The following CSMD1 variants were observed in gnomAD, a reference collection of about 807,000 sequenced individuals.
CSMD1 encodes the protein CUB and sushi domain-containing protein 1.
A neutral mutation model predicts 417.5 loss-of-function variants in CSMD1; 213 were observed. That is an observed-to-expected ratio of 0.51 (90% confidence interval 0.46 to 0.57). CSMD1 has a LOEUF of 0.57. Among genes scored for constraint, CSMD1 ranks in the 20% least tolerant of loss-of-function variants. The pLI, the probability that CSMD1 is intolerant of heterozygous loss-of-function variation, is 0.00. For missense variants in CSMD1, 6,923 were observed against 4,529.7 expected, an observed-to-expected ratio of 1.53 and a Z score of -15.17; for synonymous variants, 2,862 against 1,736.8, an observed-to-expected ratio of 1.65 and a Z score of -16.11.
intron 5 of CSMD1, among the ~76,000 whole-genome samples, chr8:3,793,471 C>A (rs183309424): frequency 1.3e-5 from 2 of 151,410 alleles, no homozygotes; most frequent in East Asian, 3.9e-4. Flanking sequence ...GCCATGCCCC[C>A]CATCCAGCCA....
intron 8 of CSMD1, among the ~76,000 whole-genome samples, chr8:3,589,991 G>A (rs929315413): frequency 6.6e-6 from 1 of 152,046 alleles, no homozygotes; most frequent in Non-Finnish European, 1.5e-5. Context: ...AGACATTAGA[G>A]TGTCCAACAA....
At chr8:4,836,593 T>C (rs1800507923) in intron 1 of CSMD1, among the ~76,000 whole-genome samples, 1 of 152,220 alleles carries the variant, frequency 6.6e-6, no homozygotes, top group African/African-American at 2.4e-5. Context: ...TTGATTAGTA[T>C]GCAGTACAAG....
chr8:4,644,877 A>G (rs1803422821), intron 1 of CSMD1, among the ~76,000 whole-genome samples: 1 of 152,230 alleles, frequency 6.6e-6, no homozygotes. Context: ...GCTAGTTGAC[A>G]TTCAATTGTT....
chr8:3,908,121 T>G (rs1472882587), intron 5 of CSMD1, among the ~76,000 whole-genome samples: 1 of 152,176 alleles, frequency 6.6e-6, no homozygotes, highest in Non-Finnish European at 1.5e-5. Flanking sequence ...GGAGCCCCTC[T>G]GAGAATAACA....
chr8:4,065,409 G>T (rs1799191962), intron 3 of CSMD1, among the ~76,000 whole-genome samples: 1 of 152,142 alleles, frequency 6.6e-6, no homozygotes, highest in African/African-American at 2.4e-5. Context: ...TTTTCATTTT[G>T]TAAAACTTCT....
intron 59 of CSMD1, among the ~76,000 whole-genome samples, chr8:2,965,252 G>C (rs1467596391): frequency 6.6e-6 from 1 of 152,160 alleles, no homozygotes; most frequent in Non-Finnish European, 1.5e-5. Context: ...AGAGGGTCCA[G>C]TCACATAAGT....
At chr8:3,525,702 G>A (rs922019068) in intron 10 of CSMD1, among the ~76,000 whole-genome samples, 2 of 152,104 alleles carry the variant, frequency 1.3e-5, no homozygotes, top group African/African-American at 4.8e-5. Flanking sequence ...AGCTTCCTAT[G>A]AACCACTCAG....
intron 1 of CSMD1, among the ~76,000 whole-genome samples, chr8:4,886,729 G>C (rs1018243221): frequency 4.6e-5 from 7 of 151,818 alleles, no homozygotes; most frequent in Non-Finnish European, 1.0e-4. Context: ...TTGGTACTCG[G>C]TGTCTTCTTT....
intron 21 of CSMD1, among the ~76,000 whole-genome samples, chr8:3,351,239 C>T (rs1384219583): frequency 6.6e-6 from 1 of 152,126 alleles, no homozygotes; most frequent in Admixed American, 6.5e-5. Context: ...TTTCATTACT[C>T]TAGGGTAGTG....
At chr8:4,777,927 A>ATAATAC (rs1405586074) in intron 1 of CSMD1, among the ~76,000 whole-genome samples, 2 of 152,230 alleles carry the variant, frequency 1.3e-5, no homozygotes, top group Non-Finnish European at 2.9e-5. Context: ...GCTACTCCCT[A>ATAATAC]TAATACGGTT....
chr8:3,999,387 G>C (rs965522565), intron 4 of CSMD1, among the ~76,000 whole-genome samples: 1 of 152,134 alleles, frequency 6.6e-6, no homozygotes, highest in Non-Finnish European at 1.5e-5. Flanking sequence ...GAGAGGAAAT[G>C]ACCTCCTTTT....
intron 3 of CSMD1, among the ~76,000 whole-genome samples, chr8:4,284,936 C>T (rs546480255): frequency 6.6e-6 from 1 of 152,172 alleles, no homozygotes; most frequent in Non-Finnish European, 1.5e-5. Flanking sequence ...AGTTAATTAC[C>T]TGTAAGACCT....
At chr8:3,536,467 G>C (rs77839404) in intron 10 of CSMD1, among the ~76,000 whole-genome samples, 2 of 152,204 alleles carry the variant, frequency 1.3e-5, no homozygotes, top group South Asian at 4.1e-4. Flanking sequence ...AGTTGGGCCA[G>C]GTTTCCTCTT....
chr8:4,874,868 T>G (rs1802952535), intron 1 of CSMD1, among the ~76,000 whole-genome samples: 1 of 148,414 alleles, frequency 6.7e-6, no homozygotes, highest in Non-Finnish European at 1.5e-5. Context: ...TATAGTATAG[T>G]GTATATATAG....
chr8:3,123,974 C>T lies in CSMD1; in HGVS notation c.6242-5387G>A, dbSNP rs141422459. Among the ~76,000 whole-genome samples, 769 of 152,288 alleles carry T rather than the reference C, an allele frequency of 5.0e-3. 5 individuals carry two copies. Among genetic ancestry groups the T allele is most frequent in the South Asian group, 0.011 (52 of 4,824 alleles). ...AACTAGTGTTGAAGGCTCTAGCGCC[C>T]TTCTGCTCATGAAAATAACCTCTAT... On this transcript the variant is annotated intron_variant, in intron 41 of 69. Transcript: ENST00000635120.
At chr8:3,192,560 G>T (rs1297806136) in intron 33 of CSMD1, among the ~76,000 whole-genome samples, 1 of 152,168 alleles carries the variant, frequency 6.6e-6, no homozygotes, top group African/African-American at 2.4e-5. Context: ...AATAGGTCAC[G>T]AGCCAGATGG....
intron 5 of CSMD1, among the ~76,000 whole-genome samples, chr8:3,852,858 A>G (rs1020632350): frequency 1.3e-5 from 2 of 152,122 alleles, no homozygotes; most frequent in African/African-American, 4.8e-5. Flanking sequence ...TCTCAGCAGA[A>G]TCAATCCCTC....
intron 3 of CSMD1, among the ~76,000 whole-genome samples, chr8:4,346,937 G>A (rs1034703749): frequency 1.3e-5 from 2 of 152,158 alleles, no homozygotes; most frequent in African/African-American, 2.4e-5. Flanking sequence ...TAATTTGAAA[G>A]TGAGTTTAGT....
chr8:3,993,769 G>GT, intron 5 of CSMD1, among the ~76,000 whole-genome samples: 1 of 152,204 alleles, frequency 6.6e-6, no homozygotes, highest in African/African-American at 2.4e-5. Context: ...TATGGCTGAT[G>GT]TTTTCCAGGG....
Sources: gnomAD v4.1 joint callset for allele counts (sites outside exome capture counted in the v4.1 genomes callset) on GRCh38, gnomAD v4.1.1 for gene constraint, MANE v1.5 for transcripts, NCBI Gene and HGNC (gene_info 2026-07-23, HGNC 2026-07-21) for gene names.